The following SRBD1 variants were observed in gnomAD, a reference collection of about 807,000 sequenced individuals.
SRBD1 encodes the protein S1 RNA binding domain 1, also known as S1 RNA-binding domain-containing protein 1.
In SRBD1, 88 loss-of-function variants were observed where a neutral mutation model predicts 115.3. The ratio of observed to expected loss-of-function variants is 0.76; its 90% CI spans 0.64 to 0.91. SRBD1 has a LOEUF of 0.91. SRBD1 is among the 40% of genes least tolerant of loss of function. The pLI, the probability that SRBD1 is intolerant of heterozygous loss-of-function variation, is 0.00. For missense variants in SRBD1, 1,385 were observed against 1,177.4 expected, an observed-to-expected ratio of 1.18 and a Z score of -2.58; for synonymous variants, 509 against 407.7, an observed-to-expected ratio of 1.25 and a Z score of -2.99.
chr2:45,455,131 T>A (rs891716030), intron 16 of SRBD1, among the ~76,000 whole-genome samples: 2 of 151,866 alleles, frequency 1.3e-5, no homozygotes, highest in Admixed American at 6.6e-5. Context: ...CAAAAGTTAA[T>A]GAAGGACATG....
At chr2:45,542,743 G>C (rs1031926781) in intron 14 of SRBD1, among the ~76,000 whole-genome samples, 1 of 152,208 alleles carries the variant, frequency 6.6e-6, no homozygotes, top group Non-Finnish European at 1.5e-5. Flanking sequence ...ATACAGACTT[G>C]TAAATGAATG....
chr2:45,537,927 G>A (rs1211837629), intron 14 of SRBD1, among the ~76,000 whole-genome samples: 3 of 152,182 alleles, frequency 2.0e-5, no homozygotes, highest in African/African-American at 4.8e-5. Flanking sequence ...TAAGGTATGA[G>A]AGAGAAAATT....
intron 14 of SRBD1, among the ~76,000 whole-genome samples, chr2:45,530,769 G>C (rs1008692312): frequency 4.6e-5 from 7 of 151,968 alleles, no homozygotes; most frequent in African/African-American, 1.7e-4. Context: ...TACAGGGGCT[G>C]AACCATATAT....
rs757038126 is a variant in SRBD1 at position 45,599,747 on chromosome 2, T to A, written c.350A>T (p.Lys117Ile). The A allele has an allele frequency of 1.2e-6, 2 of 1,614,080 alleles. No homozygotes were observed. The highest frequency in any genetic ancestry group is 2.7e-5 in the African/African-American group (2 of 74,928). ...ATGTGGCTGCGCTGCACATTTCTGT[T>A]TTGTCTTGGCTGTTTTCAGAGTCTG... The part of the protein sequence containing the change: ...TVQTLKTAKT[K>I]QKCAAQPHTV... Residue 117 changes from lysine to isoleucine, a missense_variant, in exon 4 of 21, where the codon AAA (lysine) becomes ATA (isoleucine). Coordinates refer to ENST00000263736, the MANE Select transcript of SRBD1 (RefSeq NM_018079.5).
chr2:45,401,009 G>A (rs1476470397), intron 19 of SRBD1, among the ~76,000 whole-genome samples: 1 of 152,122 alleles, frequency 6.6e-6, no homozygotes, highest in African/African-American at 2.4e-5. Flanking sequence ...TAAGACATTG[G>A]ATATGACAAT....
intron 14 of SRBD1, among the ~76,000 whole-genome samples, chr2:45,511,514 G>A (rs1426259443): frequency 2.6e-5 from 4 of 152,132 alleles, no homozygotes; most frequent in Non-Finnish European, 5.9e-5. Flanking sequence ...ACAAATAACA[G>A]GAAAAACATG....
intron 9 of SRBD1, among the ~76,000 whole-genome samples, chr2:45,568,424 G>T (rs970370229): frequency 6.6e-6 from 1 of 152,124 alleles, no homozygotes; most frequent in African/African-American, 2.4e-5. Flanking sequence ...AGGACATGAG[G>T]TCTCAGCACT....
intron 14 of SRBD1, among the ~76,000 whole-genome samples, chr2:45,498,884 T>C (rs1670542665): frequency 6.6e-6 from 1 of 152,234 alleles, no homozygotes; most frequent in Admixed American, 6.5e-5. Flanking sequence ...ATTTTCTTTA[T>C]CCATTCATCA....
chr2:45,601,008 T>C (rs1436579552), intron 3 of SRBD1, among the ~76,000 whole-genome samples: 1 of 152,070 alleles, frequency 6.6e-6, no homozygotes, highest in Non-Finnish European at 1.5e-5. Context: ...CAAAATAGAA[T>C]GGATCAGAGC....
At chr2:45,508,194 A>C (rs1390343276) in intron 14 of SRBD1, among the ~76,000 whole-genome samples, 1 of 152,068 alleles carries the variant, frequency 6.6e-6, no homozygotes, top group Non-Finnish European at 1.5e-5. Context: ...AAGAAAGCTA[A>C]AGCTGTGTTC....
rs1672736512 is a variant in SRBD1 at position 45,563,542 on chromosome 2, A to G, written c.1306-786T>C. Among the ~76,000 whole-genome samples, 3 of 152,044 alleles carry G rather than the reference A, an allele frequency of 2.0e-5. No homozygotes were observed. The South Asian group carries it at 6.2e-4, about 31-fold the overall frequency. ...TTGGTTCTTTGAAGATATCAACAAAATTAACAGACCTTTCGCTAGACTAAT... is the reference window on the plus strand; with the variant it reads ...TTGGTTCTTTGAAGATATCAACAAAGTTAACAGACCTTTCGCTAGACTAAT... On this transcript the variant is annotated intron_variant, in intron 9 of 20. Transcript: ENST00000263736.
At chr2:45,598,012 C>T (rs191268621) in intron 4 of SRBD1, among the ~76,000 whole-genome samples, 4 of 152,240 alleles carry the variant, frequency 2.6e-5, no homozygotes, top group African/African-American at 7.2e-5. Context: ...CCTTAAAAAG[C>T]GTTAGAAAAG....
chr2:45,486,759 T>TA (rs112515342), intron 15 of SRBD1, among the ~76,000 whole-genome samples: 14,300 of 149,630 alleles, frequency 0.096, 996 homozygotes, highest in African/African-American at 0.2. Flanking sequence ...TAAAATAAAA[T>TA]AAATAAATAA....
chr2:45,555,336 G>A (rs1672439654), intron 10 of SRBD1, among the ~76,000 whole-genome samples: 1 of 152,120 alleles, frequency 6.6e-6, no homozygotes, highest in Non-Finnish European at 1.5e-5. Context: ...AGTAAGCCAT[G>A]ATGCACCACT....
rs869298079 is a variant in SRBD1 at position 45,421,510 on chromosome 2, CAAAAAAAAAAAAAA to C, written c.2050-1630_2050-1617del. Among the ~76,000 whole-genome samples, 63 of 22,296 alleles carry C rather than the reference CAAAAAAAAAAAAAA, an allele frequency of 2.8e-3. No individual in the cohort carries two copies. The East Asian group carries it at 0.043, about 15-fold the overall frequency. The allele number at this position is 22,296 out of a possible 152,430, so 14.6% of individuals were successfully genotyped here. On this transcript the variant is annotated intron_variant, in intron 16 of 20. Coordinates refer to ENST00000263736, the MANE Select transcript of SRBD1 (RefSeq NM_018079.5). ...TGACGGTGTGAGACTCCGTCTCAAA[CAAAAAAAAAAAAAA>C]AAAAAAAAAAAAAAAAAAAAAGTCA...
chr2:45,591,482 T>C (rs1460974894), intron 4 of SRBD1, among the ~76,000 whole-genome samples: 1 of 152,224 alleles, frequency 6.6e-6, no homozygotes, highest in Non-Finnish European at 1.5e-5. Flanking sequence ...ACTCTTTCTC[T>C]ACTGCAATTC....
chr2:45,467,738 A>G (rs1297476815), intron 16 of SRBD1, among the ~76,000 whole-genome samples: 1 of 152,208 alleles, frequency 6.6e-6, no homozygotes, highest in Non-Finnish European at 1.5e-5. Flanking sequence ...AAGGTAACAT[A>G]TAATATGAAA....
At chr2:45,448,671 G>C (rs1289246011) in intron 16 of SRBD1, among the ~76,000 whole-genome samples, 2 of 152,118 alleles carry the variant, frequency 1.3e-5, no homozygotes, top group Non-Finnish European at 2.9e-5. Context: ...TAGTGGAATA[G>C]ACCTGCAGAT....
At chr2:45,472,652 T>C (rs1010309100) in intron 16 of SRBD1, among the ~76,000 whole-genome samples, 1 of 152,214 alleles carries the variant, frequency 6.6e-6, no homozygotes, top group Non-Finnish European at 1.5e-5. Flanking sequence ...AGCTTCAAGC[T>C]GTTTTTAAAA....
Sources: gnomAD v4.1 joint callset for allele counts (sites outside exome capture counted in the v4.1 genomes callset) on GRCh38, gnomAD v4.1.1 for gene constraint, MANE v1.5 for transcripts, NCBI Gene and HGNC (gene_info 2026-07-23, HGNC 2026-07-21) for gene names.